C3: variants seen among roughly 807,000 people sequenced by gnomAD.
C3 encodes C3 and PZP-like alpha-2-macroglobulin domain-containing protein 1.
C3 carries 97 observed loss-of-function variants against 207.9 expected under a neutral mutation model. The ratio of observed to expected loss-of-function variants is 0.47; its 90% confidence interval spans 0.40 to 0.55. The LOEUF (loss-of-function observed/expected upper bound fraction) is 0.55, where lower values mean the gene tolerates loss of function less well. Among genes scored for constraint, C3 ranks in the 20% least tolerant of loss-of-function variants. The pLI is 0.00. For synonymous variants in C3, 848 were observed against 857.6 expected (o/e 0.99, Z 0.20); for missense variants, 1,684 against 2,171.7 (o/e 0.78, Z 4.46).
At chr19:6,710,580 G>C in intron 13 of C3, 59 bp downstream of exon 13, 4 of 1,310,948 alleles carry the variant, frequency 3.1e-6, no homozygotes, top group South Asian at 1.2e-5. Context: ...CAGGGAGAGA[G>C]AGAGAGAGAG....
At chr19:6,684,268 G>C (rs555616945) in intron 33 of C3, 120 bp downstream of exon 33, 1 of 851,528 alleles carries the variant, frequency 1.2e-6, no homozygotes, top group African/African-American at 1.7e-5. Context: ...TGGATACTTA[G>C]AACAGTATCA....
In C3 at chr19:6,681,943, T is replaced by G. The variant is rs191489530; in HGVS notation, c.4348A>C (p.Lys1450Gln). Residue 1450 changes from lysine to glutamine, a missense_variant and splice_region_variant, in exon 35 of 41, where the codon AAG becomes CAG. This residue lies in a region of C3 where 346 missense variants were observed against 380.1 expected (regional missense o/e 0.91). Coordinates refer to ENST00000245907, the MANE Select transcript of C3 (RefSeq NM_000064.4). ...DRNTLIIYLD[K>Q]VSHSEDDCLA... ...AGGGGAGGATGATGCAGCCTTACCTTGTCCAGGTAGATGATGAGGGTGTTC... is the reference window on the plus strand; with the variant it reads ...AGGGGAGGATGATGCAGCCTTACCTGGTCCAGGTAGATGATGAGGGTGTTC... The G allele has an allele frequency of 1.3e-5, 21 of 1,611,524 alleles. No homozygotes were observed. Among genetic ancestry groups the G allele is most frequent in the Middle Eastern group, 1.7e-4 (1 of 5,954 alleles).
At chr19:6,712,206 C>A (rs1416477390) in intron 11 of C3, 51 bp downstream of exon 11, 1 of 1,609,232 alleles carries the variant, frequency 6.2e-7, no homozygotes, top group Non-Finnish European at 8.5e-7. Flanking sequence ...ACACCAGAAC[C>A]CCTGTACCGT....
intron 4 of C3, among the ~76,000 whole-genome samples, chr19:6,715,879 C>T (rs1377543493): frequency 2.0e-5 from 3 of 152,082 alleles, no homozygotes; most frequent in South Asian, 2.1e-4. Flanking sequence ...CCCGCCTCCA[C>T]CTCCCAAAGT....
intron 21 of C3, 149 bp from the exon 22 acceptor site, chr19:6,696,808 G>A (rs990748465): frequency 6.7e-6 from 5 of 749,814 alleles, no homozygotes; most frequent in South Asian, 4.3e-5. Flanking sequence ...TTGGGAGGCC[G>A]AGGTGGGTGG....
Position 6,719,356 on chromosome 19 carries a change from G to T in C3, c.122C>A (p.Thr41Asn), listed in dbSNP as rs1342405423. The change falls in exon 2 of 41, where the codon ACC becomes AAC. Residue 41 changes from threonine to asparagine, a missense_variant. Around this residue, in one of 3 missense-constraint regions of C3, gnomAD observed 58 missense variants for 52.5 expected, o/e 1.10. Coordinates refer to ENST00000245907, the MANE Select transcript of C3 (RefSeq NM_000064.4). This position sits in a 1 kb window ranked among gnomAD's most constrained non-coding sequence, Gnocchi z 5.4. ...CGCGTCGTGGGCCTCCAGCACCATG[G>T]TCTCCTCGCTCTCCAGCCGCAAGAT... ...PNILRLESEETMVLEAHDAQG... is the reference protein window; with the variant it reads ...PNILRLESEENMVLEAHDAQG... 2 of 1,613,838 alleles carry T rather than the reference G, an allele frequency of 1.2e-6. No individual in the cohort carries two copies. Among genetic ancestry groups the T allele is most frequent in the Non-Finnish European group, 1.7e-6 (2 of 1,179,950 alleles).
rs1967960754 is a variant in C3, at chr19:6,713,307, A to G, written c.885T>C (p.Asp295=). The change falls in exon 9 of 41, where the codon GAT becomes GAC. Residue 295 remains aspartate (D), a synonymous_variant. Coordinates refer to ENST00000245907, the MANE Select transcript of C3 (RefSeq NM_000064.4). ...PESLKRIPIE[D]GSGEVVLSRK... is the part of the protein sequence containing the mutation. ...GGCTCAGCACAACCTCCCCCGAGCC[A>G]TCCTCAATCTGAGAAGGGAGAGGAG... The G allele has an allele frequency of 6.2e-7, 1 of 1,613,776 alleles. No homozygotes were observed. The highest frequency in any genetic ancestry group is 2.2e-5 in the East Asian group (1 of 44,866).
intron 21 of C3, 60 bp downstream of exon 21, chr19:6,697,284 G>T: frequency 1.6e-6 from 2 of 1,270,758 alleles, no homozygotes; most frequent in Non-Finnish European, 2.3e-6. Context: ...TGAGTCAATA[G>T]TACGAAGACC....
At chr19:6,694,341 G>T in intron 24 of C3, 90 bp downstream of exon 24, 1 of 1,142,022 alleles carries the variant, frequency 8.8e-7, no homozygotes, top group South Asian at 1.3e-5. Context: ...CCTCAGGGGA[G>T]GGCGTGGTCT....
intron 11 of C3, among the ~76,000 whole-genome samples, chr19:6,711,977 C>T (rs1017438361): frequency 1.3e-5 from 2 of 152,120 alleles, no homozygotes; most frequent in African/African-American, 4.8e-5. Flanking sequence ...AAACTGCGGA[C>T]CCCTCCATGC....
chr19:6,699,867 T>G (rs1348784547), intron 19 of C3, among the ~76,000 whole-genome samples: 1 of 151,520 alleles, frequency 6.6e-6, no homozygotes, highest in Non-Finnish European at 1.5e-5. Flanking sequence ...GATACTATTT[T>G]GGGTATATTT....
chr19:6,697,506 G>T lies in C3; in HGVS notation c.2634C>A (p.Thr878=). The T allele has an allele frequency of 6.2e-7, 1 of 1,614,018 alleles. No individual in the cohort carries two copies. The highest frequency in any genetic ancestry group is 8.5e-7 in the Non-Finnish European group (1 of 1,180,000). The change falls in exon 21 of 41, where the codon ACC becomes ACA. Residue 878 remains threonine (T), a synonymous_variant. Coordinates refer to ENST00000245907, the MANE Select transcript of C3 (RefSeq NM_000064.4). ...TTACGGTCTGCTGGTGACGCCTCTT[G>T]GTGGTGGCCAGGCTGCAGAAGGCTG... ...HNPAFCSLAT[T]KRRHQQTVTI...
chr19:6,697,600 G>A, intron 20 of C3, 44 bp from the exon 21 acceptor site: 1 of 1,613,830 alleles, frequency 6.2e-7, no homozygotes, highest in Non-Finnish European at 8.5e-7. Flanking sequence ...TGTGCAACAG[G>A]CTACCTACCC....
At position 6,712,585 on chromosome 19, in the gene C3, T is replaced by G. The variant is rs141737564; in HGVS notation, c.1042A>C (p.Ile348Leu). The G allele has an allele frequency of 1.2e-6, 2 of 1,614,126 alleles. No individual in the cohort carries two copies. The highest frequency in any genetic ancestry group is 1.7e-6 in the Non-Finnish European group (2 of 1,179,990). ...TGGATCTGGTAGGGAGAGGTCACGA[T>G]GGGGATCCCGCTGCGCTCTGCCTGC... ...MVQAERSGIP[I>L]VTSPYQIHFT... is the part of the protein sequence containing the mutation. Residue 348 changes from isoleucine to leucine, a missense_variant, in exon 10 of 41, where the codon ATC becomes CTC. Transcript: ENST00000245907.
chr19:6,712,556 G>T lies in C3; in HGVS notation c.1071C>A (p.Phe357Leu). Residue 357 changes from phenylalanine to leucine, a missense_variant, in exon 10 of 41, where the codon TTC becomes TTA. This residue lies in a region of C3 where 1,280 missense variants were observed against 1,739.1 expected (regional missense o/e 0.74). Coordinates refer to ENST00000245907, the MANE Select transcript of C3 (RefSeq NM_000064.4). The part of the protein sequence containing the change: ...PIVTSPYQIH[F>L]TKTPKYFKPG... ...GTTTGAAGTACTTGGGTGTCTTGGTGAAGTGGATCTGGTAGGGAGAGGTCA... is the reference window on the plus strand; with the variant it reads ...GTTTGAAGTACTTGGGTGTCTTGGTTAAGTGGATCTGGTAGGGAGAGGTCA... The T allele has an allele frequency of 6.2e-7, 1 of 1,614,166 alleles. No homozygotes were observed. Among genetic ancestry groups the T allele is most frequent in the East Asian group, 2.2e-5 (1 of 44,892 alleles).
chr19:6,712,230 G>A (rs1238427827), intron 11 of C3, 27 bp downstream of exon 11: 2 of 1,612,772 alleles, frequency 1.2e-6, no homozygotes, highest in South Asian at 2.2e-5. Flanking sequence ...CCCAGTGATG[G>A]GGTTCCGAGG....
At chr19:6,711,541 T>C (rs578162080) in intron 11 of C3, among the ~76,000 whole-genome samples, 125 of 152,214 alleles carry the variant, frequency 8.2e-4, no homozygotes, top group African/African-American at 2.8e-3. Context: ...GGAGCGAACT[T>C]TCCCCCAGAG....
rs772664157 is a variant in C3, at chr19:6,702,586, G to C, written c.2246-7C>G. 2 of 1,592,576 alleles carry C rather than the reference G, an allele frequency of 1.3e-6. No homozygotes were observed. The highest frequency in any genetic ancestry group is 1.7e-6 in the Non-Finnish European group (2 of 1,160,344). On this transcript the variant is annotated splice_polypyrimidine_tract_variant and splice_region_variant and intron_variant, in intron 17 of 40. Transcript: ENST00000245907. ...ATGTCCTCATCCAGGTTACCTGCAG[G>C]GGGTTTAGATCTGCATTTAGAACAG...
chr19:6,720,454 C>G (rs1336707365), intron 1 of C3, 62 bp downstream of exon 1: 1 of 1,231,962 alleles, frequency 8.1e-7, no homozygotes, highest in African/African-American at 1.5e-5. Flanking sequence ...GACCTGGACC[C>G]CCAAATGTCT....
Sources: gnomAD v4.1 joint callset for allele counts (sites outside exome capture counted in the v4.1 genomes callset) on GRCh38, gnomAD v4.1.1 for gene constraint, gnomAD v4.1.1 regional missense constraint, Gnocchi (gnomAD v3.1) non-coding constraint, MANE v1.5 for transcripts, NCBI Gene and HGNC (gene_info 2026-07-23, HGNC 2026-07-21) for gene names.